The following CSMD1 variants were observed in gnomAD, a reference collection of about 807,000 sequenced individuals.
CSMD1 encodes the protein CUB and sushi domain-containing protein 1.
In CSMD1, 213 loss-of-function variants were observed where a neutral mutation model predicts 417.5. The ratio of observed to expected loss-of-function variants is 0.51; its 90% CI spans 0.46 to 0.57. CSMD1 has a LOEUF of 0.57. Among genes scored for constraint, CSMD1 ranks in the 20% least tolerant of loss-of-function variants. The pLI is 0.00. For synonymous variants in CSMD1, 2,862 were observed against 1,736.8 expected (o/e 1.65, Z -16.11); for missense variants, 6,923 against 4,529.7 (o/e 1.53, Z -15.17).
In CSMD1 at chr8:3,468,813, G is replaced by C. The variant is rs765867050; in HGVS notation, c.1460C>G (p.Ser487Cys). Residue 487 changes from serine (S) to cysteine (C), a missense_variant, in exon 12 of 70, where the codon TCC (serine) becomes TGC (cysteine). Ser to Cys is a moderately radical substitution (Grantham distance 112). Transcript: ENST00000635120. ...TRSVLYVLTGSSVPDLIVSMS... is the reference protein window; with the variant it reads ...TRSVLYVLTGCSVPDLIVSMS... ...GCTCACAATGAGGTCAGGAACACTG[G>C]ATCCCGTGAGCCTGCAAGAAAGAGA... 3 of 1,594,466 alleles carry C rather than the reference G, an allele frequency of 1.9e-6. No individual in the cohort carries two copies. Among genetic ancestry groups the C allele is most frequent in the South Asian group, 2.3e-5 (2 of 87,886 alleles).
At chr8:3,025,907 AAAT>A (rs1809835514) in intron 51 of CSMD1, among the ~76,000 whole-genome samples, 1 of 152,172 alleles carries the variant, frequency 6.6e-6, no homozygotes, top group Non-Finnish European at 1.5e-5. Flanking sequence ...CAATATTTTA[AAAT>A]AATAATAGTT....
At chr8:4,314,328 A>G (rs1013926521) in intron 3 of CSMD1, among the ~76,000 whole-genome samples, 4 of 152,202 alleles carry the variant, frequency 2.6e-5, no homozygotes, top group African/African-American at 9.7e-5. Context: ...CACTAGCCCA[A>G]CAGCCAGTGC....
At chr8:4,800,275 C>CA (rs1230711767) in intron 1 of CSMD1, among the ~76,000 whole-genome samples, 3 of 151,678 alleles carry the variant, frequency 2.0e-5, no homozygotes, top group Non-Finnish European at 2.9e-5. Flanking sequence ...ACTAAAAATA[C>CA]AAAAAATTAG....
chr8:4,985,075 G>T (rs575837776), intron 1 of CSMD1, among the ~76,000 whole-genome samples: 3 of 152,164 alleles, frequency 2.0e-5, no homozygotes, highest in Non-Finnish European at 2.9e-5. Context: ...CGTGGGTGGA[G>T]CTGGAGGCCA....
At chr8:3,674,883 G>C (rs975879356) in intron 7 of CSMD1, among the ~76,000 whole-genome samples, 2 of 152,178 alleles carry the variant, frequency 1.3e-5, no homozygotes, top group African/African-American at 4.8e-5. Flanking sequence ...GATGGACAAC[G>C]TAAGACTTGT....
chr8:4,762,100 C>G (rs1465574779), intron 1 of CSMD1, among the ~76,000 whole-genome samples: 1 of 152,014 alleles, frequency 6.6e-6, no homozygotes, highest in Non-Finnish European at 1.5e-5. Context: ...GTTTTAAACT[C>G]AATTTCCCCT....
intron 50 of CSMD1, among the ~76,000 whole-genome samples, chr8:3,052,234 C>G (rs1286184179): frequency 6.6e-6 from 1 of 152,152 alleles, no homozygotes; most frequent in Admixed American, 6.5e-5. Context: ...CGTGTCTATA[C>G]TGTCTATATT....
At chr8:4,301,333 C>G (rs1202971029) in intron 3 of CSMD1, among the ~76,000 whole-genome samples, 1 of 152,202 alleles carries the variant, frequency 6.6e-6, no homozygotes, top group African/African-American at 2.4e-5. Context: ...TTATACTCAA[C>G]TGTTATGCTT....
intron 10 of CSMD1, among the ~76,000 whole-genome samples, chr8:3,533,315 C>T (rs547910289): frequency 5.3e-5 from 8 of 152,174 alleles, no homozygotes; most frequent in South Asian, 4.1e-4. Context: ...AACTATAAAC[C>T]GAGATTGTAC....
chr8:4,971,590 A>C (rs561529349), intron 1 of CSMD1, among the ~76,000 whole-genome samples: 2 of 152,096 alleles, frequency 1.3e-5, no homozygotes, highest in Admixed American at 1.3e-4. Flanking sequence ...TGTTTACCAC[A>C]CATTCAAAGA....
At position 4,453,113 on chromosome 8, in the gene CSMD1, G is replaced by C. The variant is rs75456536; in HGVS notation, c.303-33048C>G. Among the ~76,000 whole-genome samples, 505 of 152,018 alleles carry C rather than the reference G, an allele frequency of 3.3e-3. 6 individuals carry two copies. Among genetic ancestry groups the C allele is most frequent in the East Asian group, 0.028 (144 of 5,154 alleles). The stretch of plus-strand genomic sequence containing the variant: ...CTATAGACAGGGAGCCAATGATTCG[G>C]AATTCCTTGGACACATGTGTCACCA... On this transcript the variant is annotated intron_variant, in intron 2 of 69. Transcript: ENST00000635120.
chr8:3,794,580 G>A (rs1468529877), intron 5 of CSMD1, among the ~76,000 whole-genome samples: 1 of 150,820 alleles, frequency 6.6e-6, no homozygotes, highest in African/African-American at 2.4e-5. Flanking sequence ...TAACCCATTG[G>A]TTTATTTTTC....
In CSMD1 at chr8:4,843,814, A is replaced by T. The variant is rs567692057; in HGVS notation, c.85+150518T>A. On this transcript the variant is annotated intron_variant, in intron 1 of 69. Coordinates refer to ENST00000635120, the MANE Select transcript of CSMD1 (RefSeq NM_033225.6). ...AACAAACTGATACAACGTAAAATAG[A>T]ATCAGTGGAAGCACAGGAGAGCTGA... is the stretch of plus-strand genomic sequence containing the variant. Among the ~76,000 whole-genome samples the T allele has an allele frequency of 2.6e-5, 4 of 152,338 alleles. No individual in the cohort carries two copies. In the South Asian group the frequency reaches 8.3e-4, roughly 32 times the overall value.
chr8:3,334,303 T>C (rs1807100825), intron 23 of CSMD1, among the ~76,000 whole-genome samples: 2 of 152,216 alleles, frequency 1.3e-5, no homozygotes, highest in Admixed American at 6.5e-5. Context: ...ATTGATTGCA[T>C]TCAGCAGCTG....
intron 23 of CSMD1, among the ~76,000 whole-genome samples, chr8:3,314,884 G>T (rs900035901): frequency 1.3e-5 from 2 of 152,176 alleles, no homozygotes; most frequent in Admixed American, 6.5e-5. Context: ...TTATACATTA[G>T]GCTGAACAAC....
chr8:4,669,177 T>C (rs1363848211), intron 1 of CSMD1, among the ~76,000 whole-genome samples: 4 of 152,214 alleles, frequency 2.6e-5, no homozygotes, highest in Admixed American at 1.3e-4. Flanking sequence ...GGGATGTGAA[T>C]ACTTTGCCTT....
chr8:3,279,961 T>C (rs1802603531), intron 26 of CSMD1, among the ~76,000 whole-genome samples: 1 of 152,160 alleles, frequency 6.6e-6, no homozygotes, highest in South Asian at 2.1e-4. Context: ...ACGTAGAACC[T>C]AACCGTATCA....
At chr8:3,033,378 T>G (rs1413951655) in intron 50 of CSMD1, among the ~76,000 whole-genome samples, 1 of 152,174 alleles carries the variant, frequency 6.6e-6, no homozygotes, top group Non-Finnish European at 1.5e-5. Context: ...GTTCATGCAC[T>G]ACTGATTGTT....
At chr8:3,675,598 TGATGA>T in intron 7 of CSMD1, among the ~76,000 whole-genome samples, 1 of 152,130 alleles carries the variant, frequency 6.6e-6, no homozygotes, top group East Asian at 1.9e-4. Context: ...TGATACCCCA[TGATGA>T]GATTAGCACC....
Sources: allele counts gnomAD v4.1 joint callset (sites outside exome capture counted in the v4.1 genomes callset), GRCh38; gene constraint gnomAD v4.1.1; transcripts MANE v1.5; gene names NCBI Gene and HGNC (gene_info 2026-07-23, HGNC 2026-07-21).